Variants in MAP3K5 observed in about 807,000 individuals in gnomAD.
MAP3K5 encodes the protein ASK-1.
Under a neutral mutation model 158.7 loss-of-function variants are expected in MAP3K5, and 56 were observed. The observed-to-expected ratio is 0.35, with a 90% CI of 0.28 to 0.44. The LOEUF is 0.44. MAP3K5 is among the 20% of genes least tolerant of loss of function. The pLI, the probability that MAP3K5 is intolerant of heterozygous loss-of-function variation, is 1.00. For missense variants in MAP3K5, 1,294 were observed against 1,674.8 expected (o/e 0.77, Z 3.97); for synonymous variants, 579 against 601.7 (o/e 0.96, Z 0.55).
intron 3 of MAP3K5, among the ~76,000 whole-genome samples, chr6:136,704,298 T>C (rs1780977992): frequency 2.0e-5 from 3 of 152,162 alleles, no homozygotes. Context: ...CTTATCATGA[T>C]TACAGACACT....
chr6:136,571,532 CTTAGCATAA>C (rs1263128403), intron 25 of MAP3K5, among the ~76,000 whole-genome samples: 1 of 152,192 alleles, frequency 6.6e-6, no homozygotes, highest in African/African-American at 2.4e-5. Flanking sequence ...GCTTATTTTA[CTTAGCATAA>C]TGCCCTCAAA....
intron 14 of MAP3K5, among the ~76,000 whole-genome samples, chr6:136,626,241 T>G (rs1777032481): frequency 6.6e-6 from 1 of 152,200 alleles, no homozygotes; most frequent in Non-Finnish European, 1.5e-5. Context: ...GGGAAAATTA[T>G]GCCTAATACA....
intron 14 of MAP3K5, among the ~76,000 whole-genome samples, chr6:136,632,830 C>T (rs908330512): frequency 6.6e-6 from 1 of 152,064 alleles, no homozygotes; most frequent in Admixed American, 6.5e-5. Context: ...CTGGTTAACT[C>T]TGATCAATTG....
chr6:136,596,827 T>A (rs918289924), intron 21 of MAP3K5, among the ~76,000 whole-genome samples: 1 of 152,234 alleles, frequency 6.6e-6, no homozygotes, highest in African/African-American at 2.4e-5. Flanking sequence ...CAAGTGAGAA[T>A]GCGTAGTGCC....
At chr6:136,594,802 T>TTGTTTGTG (rs539910093) in intron 21 of MAP3K5, among the ~76,000 whole-genome samples, 1 of 150,028 alleles carries the variant, frequency 6.7e-6, no homozygotes, top group Non-Finnish European at 1.5e-5. Context: ...GTTTCCGTGT[T>TTGTTTGTG]TGTGTGTGTG....
At position 136,721,412 on chromosome 6, in the gene MAP3K5, C is replaced by T. The variant is rs192186530; in HGVS notation, c.449-823G>A. On this transcript the variant is annotated intron_variant, in intron 1 of 29. Coordinates refer to ENST00000359015, the MANE Select transcript of MAP3K5 (RefSeq NM_005923.4). Reference sequence around the variant, plus strand: ...GAGAAAAAAGGTATAGAAAATATAACAAAGGGGAATATAACCACAGATGCA... The same window carrying T: ...GAGAAAAAAGGTATAGAAAATATAATAAAGGGGAATATAACCACAGATGCA... Among the ~76,000 whole-genome samples, 90 of 151,742 alleles carry T rather than the reference C, an allele frequency of 5.9e-4. 2 individuals are homozygous for T. The highest frequency in any genetic ancestry group is 1.3e-4 in the Non-Finnish European group (9 of 67,940).
intron 1 of MAP3K5, among the ~76,000 whole-genome samples, chr6:136,732,178 A>G (rs1193645276): frequency 6.6e-6 from 1 of 152,126 alleles, no homozygotes; most frequent in Non-Finnish European, 1.5e-5. Context: ...TAATCCCAGC[A>G]CTTTGGGAGG....
chr6:136,669,448 G>T (rs934962982), intron 7 of MAP3K5, 53 bp from the exon 8 acceptor site: 11 of 998,604 alleles, frequency 1.1e-5, no homozygotes, highest in South Asian at 2.6e-5. Context: ...GAAACCCTGG[G>T]TGTGTAATAG....
intron 23 of MAP3K5, among the ~76,000 whole-genome samples, chr6:136,588,605 T>C (rs1775243983): frequency 6.6e-6 from 1 of 152,216 alleles, no homozygotes; most frequent in Non-Finnish European, 1.5e-5. Flanking sequence ...GTACAGTGCC[T>C]GGCCTTCGAC....
rs1780639098 is a variant in MAP3K5 at position 136,697,272 on chromosome 6, C to T, written c.922G>A (p.Val308Ile). ...RIRQRVDNIE[V>I]LTADIVINLL... ...TTTATGACAATATCTGCTGTCAAGA[C>T]TTCGATATTATCTACTCGCTGCCGA... The change falls in exon 5 of 30, where the codon GTC (valine) becomes ATC (isoleucine). Residue 308 changes from valine to isoleucine, a missense_variant. Physicochemically the swap from Val to Ile is conservative, Grantham distance 29. Around this residue, in one of 5 missense-constraint regions of MAP3K5, gnomAD observed 690 missense variants for 870.5 expected, o/e 0.79. Coordinates refer to ENST00000359015, the MANE Select transcript of MAP3K5 (RefSeq NM_005923.4). 16 of 1,613,858 alleles carry T rather than the reference C, an allele frequency of 9.9e-6. No individual in the cohort carries two copies. The highest frequency in any genetic ancestry group is 4.0e-5 in the African/African-American group (3 of 75,054).
chr6:136,595,047 GT>G (rs1775562584), intron 21 of MAP3K5, among the ~76,000 whole-genome samples: 1 of 152,040 alleles, frequency 6.6e-6, no homozygotes, highest in East Asian at 1.9e-4. Flanking sequence ...ACTATGGCTC[GT>G]TAAGGAAATA....
chr6:136,731,557 T>C (rs1782224591), intron 1 of MAP3K5, among the ~76,000 whole-genome samples: 1 of 152,222 alleles, frequency 6.6e-6, no homozygotes, highest in Non-Finnish European at 1.5e-5. Context: ...AGGATTATCT[T>C]ATCTCAAGAT....
chr6:136,560,584 T>C (rs1830463550), intron 28 of MAP3K5, among the ~76,000 whole-genome samples: 1 of 152,218 alleles, frequency 6.6e-6, no homozygotes, highest in Admixed American at 6.5e-5. Flanking sequence ...TCGACCAGAT[T>C]GATTTTATTA....
chr6:136,591,150 C>G (rs1007646129), intron 23 of MAP3K5, among the ~76,000 whole-genome samples: 1 of 152,242 alleles, frequency 6.6e-6, no homozygotes, highest in Non-Finnish European at 1.5e-5. Context: ...GATTGTGAGG[C>G]CTCCCCAGCC....
rs61536898 is a variant in MAP3K5, at chr6:136,655,707, A to AGT, written c.1680+598_1680+599dup. ...TGAGAAGAGCAATAAATTTTTTTAA[A>AGT]GTGTGTGTGTGTGTGTGTGTGTGTG... is the stretch of plus-strand genomic sequence containing the variant. On this transcript the variant is annotated intron_variant, in intron 10 of 29. Coordinates refer to ENST00000359015, the MANE Select transcript of MAP3K5 (RefSeq NM_005923.4). 8.8e-3 allele frequency among the ~76,000 whole-genome samples: 1,320 copies of AGT among 149,994 alleles called. 15 individuals are homozygous for AGT. Among genetic ancestry groups the AGT allele is most frequent in the South Asian group, 0.043 (202 of 4,698 alleles).
At chr6:136,715,065 T>C (rs1667582326) in intron 2 of MAP3K5, among the ~76,000 whole-genome samples, 1 of 152,190 alleles carries the variant, frequency 6.6e-6, no homozygotes, top group African/African-American at 2.4e-5. Flanking sequence ...CAACTAAATT[T>C]TTTGAACAAG....
chr6:136,663,098 ACTCT>A (rs1419801562), intron 8 of MAP3K5, among the ~76,000 whole-genome samples: 2 of 152,012 alleles, frequency 1.3e-5, no homozygotes, highest in African/African-American at 4.8e-5. Context: ...GAAAATGTTA[ACTCT>A]CTCAATCCAT....
chr6:136,661,370 T>A (rs1457053469), intron 8 of MAP3K5, among the ~76,000 whole-genome samples: 1 of 152,162 alleles, frequency 6.6e-6, no homozygotes, highest in Non-Finnish European at 1.5e-5. Context: ...TAGGACAACA[T>A]CCACGGTCTT....
intron 28 of MAP3K5, among the ~76,000 whole-genome samples, 196 bp from the exon 29 acceptor site, chr6:136,559,072 C>T (rs112504456): frequency 3.3e-5 from 5 of 152,130 alleles, no homozygotes; most frequent in East Asian, 3.9e-4. Context: ...GCATCCAGGC[C>T]GGGCGCAGTG....
Sources: allele counts gnomAD v4.1 joint callset (sites outside exome capture counted in the v4.1 genomes callset), GRCh38; gene constraint gnomAD v4.1.1; regional missense constraint gnomAD v4.1.1; transcripts MANE v1.5; gene names NCBI Gene and HGNC (gene_info 2026-07-23, HGNC 2026-07-21).